Variants in CDC73 observed in about 807,000 individuals in gnomAD.
CDC73 encodes the protein parafibromin.
In CDC73, 21 loss-of-function variants were observed where a neutral mutation model predicts 83.7. The ratio of observed to expected loss-of-function variants is 0.25; its 90% CI spans 0.18 to 0.36. The LOEUF (loss-of-function observed/expected upper bound fraction) is 0.36. Among genes scored for constraint, CDC73 ranks in the 10% least tolerant of loss-of-function variants. The pLI, the probability that CDC73 is intolerant of heterozygous loss-of-function variation, is 1.00. For missense variants in CDC73, 342 were observed against 653.3 expected, an observed-to-expected ratio of 0.52 and a Z score of 5.19; for synonymous variants, 224 against 212.9, an observed-to-expected ratio of 1.05 and a Z score of -0.45.
chr1:193,206,779 A>G (rs1677195933), intron 11 of CDC73, among the ~76,000 whole-genome samples: 1 of 152,186 alleles, frequency 6.6e-6, no homozygotes, highest in Non-Finnish European at 1.5e-5. Context: ...TTTTTTGAGC[A>G]TTCACAAATT....
At chr1:193,232,868 A>G in intron 13 of CDC73, 125 bp from the exon 14 acceptor site, 1 of 750,564 alleles carries the variant, frequency 1.3e-6, no homozygotes, top group Non-Finnish European at 2.2e-6. Context: ...GCACCACTGC[A>G]CTCTAGCCTG....
intron 11 of CDC73, among the ~76,000 whole-genome samples, chr1:193,208,804 C>G (rs1677230670): frequency 2.0e-5 from 3 of 152,128 alleles, no homozygotes; most frequent in Non-Finnish European, 4.4e-5. Context: ...TTCAGTTCCC[C>G]AAGCGCAGCA....
chr1:193,196,475 A>G (rs1677004648), intron 10 of CDC73, among the ~76,000 whole-genome samples: 1 of 152,206 alleles, frequency 6.6e-6, no homozygotes, highest in Non-Finnish European at 1.5e-5. Flanking sequence ...GTGAGATTCC[A>G]TGTGACTTTT....
In CDC73 at chr1:193,203,967, A is replaced by G; in HGVS notation, c.1030+115A>G. The G allele has an allele frequency of 6.0e-6, 5 of 828,010 alleles. No homozygotes were observed. In the South Asian group the frequency reaches 7.1e-5, roughly 12 times the overall value. The allele number at this position is 828,010 out of a possible 1,614,324, so 51.3% of individuals were successfully genotyped here. On this transcript the variant is annotated intron_variant, in intron 11 of 16. Coordinates refer to ENST00000367435, the MANE Select transcript of CDC73 (RefSeq NM_024529.5). ...TAAATTTTACTTAAAATACATTGCA[A>G]AGTCATGTTTCTTTGAAGACTGTCG...
intron 13 of CDC73, among the ~76,000 whole-genome samples, chr1:193,228,927 T>A (rs1317636125): frequency 2.6e-5 from 4 of 152,106 alleles, no homozygotes; most frequent in Non-Finnish European, 5.9e-5. Flanking sequence ...TCAGTATTTT[T>A]AAAAATCCTA....
Position 193,254,403 on chromosome 1 carries a change from G to T in CDC73, c.*3691G>T, listed in dbSNP as rs1163046304. 1.3e-5 allele frequency among the ~76,000 whole-genome samples: 2 copies of T among 152,010 alleles called. No homozygotes were observed. Among genetic ancestry groups the T allele is most frequent in the Non-Finnish European group, 2.9e-5 (2 of 67,944 alleles). ...CTACTATTTATTCACTTGTGTTTGAGATTCACCCAGCTATTCTAATGATAG... is the reference window on the plus strand; with the variant it reads ...CTACTATTTATTCACTTGTGTTTGATATTCACCCAGCTATTCTAATGATAG... On this transcript the variant is annotated 3_prime_UTR_variant, in exon 17 of 17. Coordinates refer to ENST00000367435, the MANE Select transcript of CDC73 (RefSeq NM_024529.5).
At chr1:193,239,896 A>G (rs1253096289) in intron 15 of CDC73, among the ~76,000 whole-genome samples, 1 of 152,198 alleles carries the variant, frequency 6.6e-6, no homozygotes, top group Non-Finnish European at 1.5e-5. Flanking sequence ...AGTCCTGCAC[A>G]TGTACCCCAG....
At chr1:193,241,167 T>C (rs1677849680) in intron 15 of CDC73, among the ~76,000 whole-genome samples, 1 of 152,240 alleles carries the variant, frequency 6.6e-6, no homozygotes, top group African/African-American at 2.4e-5. Flanking sequence ...TTTGCTTTTT[T>C]AGGGGAGGAC....
chr1:193,170,376 C>G (rs1001284808), intron 10 of CDC73, among the ~76,000 whole-genome samples: 8 of 152,216 alleles, frequency 5.3e-5, no homozygotes, highest in Admixed American at 1.3e-4. Flanking sequence ...ACCACAGTTT[C>G]TTTCACAATA....
chr1:193,220,482 C>G (rs1677450385), intron 13 of CDC73, among the ~76,000 whole-genome samples: 2 of 151,994 alleles, frequency 1.3e-5, no homozygotes, highest in African/African-American at 4.8e-5. Context: ...CCCTTCACAT[C>G]TAAAAAAACC....
intron 10 of CDC73, among the ~76,000 whole-genome samples, chr1:193,168,118 C>T (rs970504954): frequency 6.6e-6 from 1 of 152,134 alleles, no homozygotes; most frequent in African/African-American, 2.4e-5. Context: ...GCCTCCACCT[C>T]TGAGTGCTGG....
At chr1:193,193,714 T>C (rs1013340351) in intron 10 of CDC73, among the ~76,000 whole-genome samples, 3 of 152,056 alleles carry the variant, frequency 2.0e-5, no homozygotes, top group African/African-American at 4.8e-5. Context: ...TTTCTAACTT[T>C]TCACAGAATT....
At position 193,253,975 on chromosome 1, in the gene CDC73, T is replaced by C. The variant is rs1340947442; in HGVS notation, c.*3263T>C. The C allele has an allele frequency of 9.0e-6, 2 of 222,994 alleles. No individual in the cohort carries two copies. The highest frequency in any genetic ancestry group is 1.3e-4 in the East Asian group (2 of 15,098). 13.8% of individuals were successfully genotyped at this position (222,994 alleles called of 1,614,324 possible). A position where few individuals can be genotyped will look rare whatever the true frequency, so the allele number is the denominator to read the frequency against. On this transcript the variant is annotated 3_prime_UTR_variant, in exon 17 of 17. Transcript: ENST00000367435. Reference sequence around the variant, plus strand: ...GTTGAACTAAAGTATATAAAATTTTTTGAGACTAGCAGTATATTTTATAAT... The same window carrying C: ...GTTGAACTAAAGTATATAAAATTTTCTGAGACTAGCAGTATATTTTATAAT...
Position 193,240,332 on chromosome 1 carries a change from A to G in CDC73, c.1417+3976A>G, listed in dbSNP as rs527388421. Reference sequence around the variant, plus strand: ...AGTGCTACAGTAAACAAGGGGTGCAAGTATCCCTTTGATAAACTGATTTTC... The same window carrying G: ...AGTGCTACAGTAAACAAGGGGTGCAGGTATCCCTTTGATAAACTGATTTTC... On this transcript the variant is annotated intron_variant, in intron 15 of 16. Coordinates refer to ENST00000367435, the MANE Select transcript of CDC73 (RefSeq NM_024529.5). 2.6e-4 allele frequency among the ~76,000 whole-genome samples: 40 copies of G among 152,296 alleles called. No individual in the cohort carries two copies. In the South Asian group the frequency reaches 6.2e-3, roughly 24 times the overall value.
At chr1:193,180,370 T>A in intron 10 of CDC73, 1 of 1,613,356 alleles carries the variant, frequency 6.2e-7, no homozygotes, top group Non-Finnish European at 8.5e-7. Flanking sequence ...CTTATTTTGT[T>A]GTAAATGGTT....
intron 3 of CDC73, among the ~76,000 whole-genome samples, chr1:193,131,098 T>C (rs1373389513): frequency 1.3e-5 from 2 of 152,208 alleles, no homozygotes; most frequent in Non-Finnish European, 1.5e-5. Context: ...ATTGATTTCT[T>C]TCAGGGCACC....
At chr1:193,205,287 A>G (rs759069452) in intron 11 of CDC73, among the ~76,000 whole-genome samples, 2 of 147,926 alleles carry the variant, frequency 1.4e-5, no homozygotes, top group Admixed American at 6.7e-5. Flanking sequence ...ACAGGCAAGA[A>G]CTTAACTGAA....
intron 10 of CDC73, chr1:193,180,300 T>C: frequency 6.4e-7 from 1 of 1,558,858 alleles, no homozygotes; most frequent in Non-Finnish European, 8.7e-7. Flanking sequence ...TTTTCTAATG[T>C]AGTTTACGGT....
intron 3 of CDC73, among the ~76,000 whole-genome samples, chr1:193,131,619 T>G (rs1453966873): frequency 1.3e-5 from 2 of 152,206 alleles, no homozygotes; most frequent in African/African-American, 4.8e-5. Context: ...TCTCTGTGAC[T>G]CCATCTTCTA....
Sources: allele counts gnomAD v4.1 joint callset (sites outside exome capture counted in the v4.1 genomes callset), GRCh38; gene constraint gnomAD v4.1.1; transcripts MANE v1.5; gene names NCBI Gene and HGNC (gene_info 2026-07-23, HGNC 2026-07-21).